The following PFDN5 variants were observed in gnomAD, a reference collection of about 807,000 sequenced individuals.
PFDN5 encodes the protein prefoldin subunit 5, also known as c-myc binding protein.
In PFDN5, 13 loss-of-function variants were observed where a neutral mutation model predicts 21.5. The ratio of observed to expected loss-of-function variants is 0.60; its 90% CI spans 0.39 to 0.96. The LOEUF (loss-of-function observed/expected upper bound fraction) is 0.96. Ranked by LOEUF, PFDN5 falls within the 40% of genes least tolerant of loss-of-function variation. PFDN5 has a pLI of 0.00. For missense variants in PFDN5, 188 were observed against 186.2 expected (o/e 1.01, Z -0.06); for synonymous variants, 84 against 68.9 (o/e 1.22, Z -1.08).
At chr12:53,296,329 C>T in intron 3 of PFDN5, 54 bp downstream of exon 3, 1 of 1,434,710 alleles carries the variant, frequency 7.0e-7, no homozygotes, top group Non-Finnish European at 9.7e-7. Context: ...CTCCTTCACT[C>T]CCCCAAAAAG....
In PFDN5 at chr12:53,299,311, C is replaced by A. The variant is rs773578331; in HGVS notation, c.431C>A (p.Ala144Asp). ...AGTCAGAAGATTCAGCAGCTCACAG[C>A]CCTGGGGGCAGCTCAGGCTACTGCT... ...MMSQKIQQLT[A>D]LGAAQATAKA Residue 144 changes from alanine (A) to aspartate (D), a missense_variant, in exon 6 of 6, where the codon GCC becomes GAC. Ala to Asp is a moderately radical substitution (Grantham distance 126). Coordinates refer to ENST00000334478, the MANE Select transcript of PFDN5 (RefSeq NM_002624.4). The A allele has an allele frequency of 4.3e-6, 7 of 1,612,648 alleles. No individual in the cohort carries two copies. The South Asian group carries it at 5.5e-5, about 13-fold the overall frequency.
In PFDN5 at chr12:53,295,941, G is replaced by GATAC. The variant is rs1284735019; in HGVS notation, c.175_175+1insATAC (p.Gly59AspfsTer21). On this transcript the variant is annotated frameshift_variant and splice_region_variant. Transcript: ENST00000334478. LOFTEE classifies it high-confidence loss of function. The stretch of plus-strand genomic sequence containing the variant: ...GAACGTGCTGAACAAGAGCAACGAG[G>GATAC]GTATGGGGTAGGCGGGTGAGGGTAA... 68 of 1,585,338 alleles carry GATAC rather than the reference G, an allele frequency of 4.3e-5. No homozygotes were observed. The highest frequency in any genetic ancestry group is 5.8e-5 in the Non-Finnish European group (67 of 1,154,234).
chr12:53,296,709 G>C (rs557048785), intron 3 of PFDN5: 168 of 297,606 alleles, frequency 5.6e-4, no homozygotes, highest in Non-Finnish European at 8.4e-4. Flanking sequence ...CACTGCCCCC[G>C]GCCAAGAATA....
In PFDN5 at chr12:53,299,270, C is replaced by T. The variant is rs145140400; in HGVS notation, c.390C>T (p.Ala130=). 1.6e-4 allele frequency: 252 copies of T among 1,608,274 alleles called. 3 individuals are homozygous for T. In the East Asian group the frequency reaches 3.5e-3, roughly 22 times the overall value. ...ALQEKHAMKQ[A]VMEMMSQKIQ... is the part of the protein sequence containing the mutation. ...TTTGACTCTTATTTTTTTCCACAGC[C>T]GTCATGGAAATGATGAGTCAGAAGA... Residue 130 remains alanine (A), a splice_region_variant and synonymous_variant, in exon 6 of 6, where the codon GCC becomes GCT. Transcript: ENST00000334478.
chr12:53,298,520 G>C (rs1944184013), intron 5 of PFDN5: 1 of 172,234 alleles, frequency 5.8e-6, no homozygotes, highest in Non-Finnish European at 1.3e-5. Context: ...GCCCATTCCA[G>C]ATTGACTAAA....
chr12:53,298,326 T>G, intron 5 of PFDN5, 176 bp downstream of exon 5: 1 of 541,908 alleles, frequency 1.8e-6, no homozygotes, highest in Non-Finnish European at 3.3e-6. Context: ...GGGTTGAGCG[T>G]TTGAGAAATT....
chr12:53,295,808 C>A lies in PFDN5; in HGVS notation c.73-31C>A, dbSNP rs1479851016. The A allele has an allele frequency of 2.9e-6, 4 of 1,400,276 alleles. No homozygotes were observed. The Admixed American group carries it at 5.0e-5, about 18-fold the overall frequency. 86.7% of individuals were successfully genotyped at this position (1,400,276 alleles called of 1,614,324 possible). Reference sequence around the variant, plus strand: ...CGCGCTCCTTTCTCCCCTTAGTCCTCTCATTGACCCGCTATCCCGGTCCTC... The same window carrying A: ...CGCGCTCCTTTCTCCCCTTAGTCCTATCATTGACCCGCTATCCCGGTCCTC... On this transcript the variant is annotated intron_variant, in intron 1 of 5. Transcript: ENST00000334478.
intron 3 of PFDN5, chr12:53,297,415 C>G (rs574939611): frequency 5.7e-6 from 1 of 175,002 alleles, no homozygotes; most frequent in South Asian, 1.1e-4. Flanking sequence ...GGCGATAGAG[C>G]GAGACTCTGT....
At chr12:53,296,573 T>C (rs1944154349) in intron 3 of PFDN5, 2 of 466,348 alleles carry the variant, frequency 4.3e-6, no homozygotes, top group Admixed American at 3.6e-5. Flanking sequence ...CACGACCGGC[T>C]AATTTTTGTA....
At position 53,298,061 on chromosome 12, in the gene PFDN5, A is replaced by G. The variant is rs765901996; in HGVS notation, c.299A>G (p.Lys100Arg). The change falls in exon 5 of 6, where the codon AAG becomes AGG. Residue 100 changes from lysine (K) to arginine (R), a missense_variant. Transcript: ENST00000334478. ...ATCTTGTAGACAGCTGAGGATGCCA[A>G]GGACTTCTTCAAGAGGAAGATAGAT... Reference protein sequence around the residue: ...YYVEKTAEDAKDFFKRKIDFL... With the variant: ...YYVEKTAEDARDFFKRKIDFL... The G allele has an allele frequency of 1.2e-6, 2 of 1,612,590 alleles. No individual in the cohort carries two copies. The highest frequency in any genetic ancestry group is 1.3e-5 in the African/African-American group (1 of 74,898).
chr12:53,299,190 T>G, intron 5 of PFDN5, 79 bp from the exon 6 acceptor site: 2 of 960,226 alleles, frequency 2.1e-6, no homozygotes, highest in Non-Finnish European at 1.7e-6. Flanking sequence ...TCGCCTGTCC[T>G]TAAACTTGCC....
At chr12:53,296,043 C>T (rs932180460) in intron 2 of PFDN5, 102 bp downstream of exon 2, 1 of 803,218 alleles carries the variant, frequency 1.2e-6, no homozygotes, top group African/African-American at 1.7e-5. Flanking sequence ...AAATCCATTA[C>T]ATATCGTATA....
chr12:53,297,585 G>A (rs1236995208), intron 3 of PFDN5: 4 of 440,512 alleles, frequency 9.1e-6, no homozygotes, highest in Non-Finnish European at 1.7e-5. Flanking sequence ...GGGAAGAATT[G>A]CAAGAACTGC....
At chr12:53,296,409 T>C (rs1220175055) in intron 3 of PFDN5, 134 bp downstream of exon 3, 2 of 757,122 alleles carry the variant, frequency 2.6e-6, no homozygotes, top group Admixed American at 2.1e-5. Context: ...ATACCCTTTT[T>C]TTTTTTCTTT....
chr12:53,298,221 G>A (rs754529289), intron 5 of PFDN5, 71 bp downstream of exon 5: 30 of 926,718 alleles, frequency 3.2e-5, no homozygotes, highest in East Asian at 4.8e-5. Flanking sequence ...TGTGAACCAC[G>A]GGGGTGTCCC....
At chr12:53,296,152 CTG>C in intron 2 of PFDN5, 90 bp from the exon 3 acceptor site, 1 of 1,088,446 alleles carries the variant, frequency 9.2e-7, no homozygotes, top group South Asian at 1.3e-5. Flanking sequence ...TTCACACTGT[CTG>C]TGGGTGCTGT....
At chr12:53,299,220 T>C in intron 5 of PFDN5, 49 bp from the exon 6 acceptor site, 1 of 1,287,644 alleles carries the variant, frequency 7.8e-7, no homozygotes. Context: ...TCCTTAACTC[T>C]AGGTTCTCCT....
chr12:53,296,244 G>A lies in PFDN5; in HGVS notation c.176G>A (p.Gly59Glu), dbSNP rs1944148319. 4 of 1,609,624 alleles carry A rather than the reference G, an allele frequency of 2.5e-6. No homozygotes were observed. Among genetic ancestry groups the A allele is most frequent in the Non-Finnish European group, 3.4e-6 (4 of 1,177,514 alleles). The part of the protein sequence containing the change: ...CLNVLNKSNE[G>E]KELLVPLTSS... ...GTGTTTGTCTTCATTGCTTTCACAG[G>A]GAAAGAATTACTCGTCCCACTGACG... is the stretch of plus-strand genomic sequence containing the variant. The change falls in exon 3 of 6, where the codon GGG becomes GAG. Residue 59 changes from glycine (G) to glutamate (E), a missense_variant and splice_region_variant. Gly to Glu is a moderately conservative substitution (Grantham distance 98, BLOSUM62 -2). Coordinates refer to ENST00000334478, the MANE Select transcript of PFDN5 (RefSeq NM_002624.4).
chr12:53,296,875 T>C (rs1227368465), intron 3 of PFDN5: 1 of 160,494 alleles, frequency 6.2e-6, no homozygotes, highest in African/African-American at 2.4e-5. Flanking sequence ...GTTTACACTT[T>C]GCTAATATCT....
Sources: allele counts gnomAD v4.1 joint callset, GRCh38; gene constraint gnomAD v4.1.1; transcripts MANE v1.5; gene names NCBI Gene and HGNC (gene_info 2026-07-23, HGNC 2026-07-21).